Variants in MAGI2 observed in about 807,000 individuals in gnomAD.
MAGI2 encodes membrane-associated guanylate kinase, WW and PDZ domain-containing protein 2.
A neutral mutation model predicts 133.3 loss-of-function variants in MAGI2; 35 were observed. The ratio of observed to expected loss-of-function variants is 0.26; its 90% CI spans 0.20 to 0.35. The LOEUF (loss-of-function observed/expected upper bound fraction) is 0.35, where lower values mean the gene tolerates loss of function less well. Among genes scored for constraint, MAGI2 ranks in the 10% least tolerant of loss-of-function variants. The probability of loss-of-function intolerance (pLI) is 1.00; values close to 1 mark genes in which losing one functional copy is unlikely to be tolerated. For missense variants in MAGI2, 1,636 were observed against 1,863.4 expected (o/e 0.88, Z 2.25); for synonymous variants, 729 against 710.6 (o/e 1.03, Z -0.41).
Position 78,167,942 on chromosome 7 carries a change from G to A in MAGI2, c.2570C>T (p.Thr857Ile). The A allele has an allele frequency of 6.2e-7, 1 of 1,614,120 alleles. No individual in the cohort carries two copies. The highest frequency in any genetic ancestry group is 8.5e-7 in the Non-Finnish European group (1 of 1,180,006). ...TCCACATAGCACCTTTCTTCTCACA[G>A]TGAGGTTGACCTGCCCATTGCGGGC... Reference protein sequence around the residue: ...HAARNGQVNLTVRRKVLCGGE... With the variant: ...HAARNGQVNLIVRRKVLCGGE... The change falls in exon 15 of 22, where the codon ACT becomes ATT. Residue 857 changes from threonine to isoleucine, a missense_variant. By Grantham distance (89) the Thr-to-Ile change is moderately conservative (BLOSUM62 -1). Coordinates refer to ENST00000354212, the MANE Select transcript of MAGI2 (RefSeq NM_012301.4).
At chr7:79,114,729 C>A (rs940324853) in intron 1 of MAGI2, among the ~76,000 whole-genome samples, 2 of 152,110 alleles carry the variant, frequency 1.3e-5, no homozygotes, top group Non-Finnish European at 2.9e-5. Flanking sequence ...TTTTTATCAT[C>A]CATTGCAAGT....
intron 2 of MAGI2, among the ~76,000 whole-genome samples, chr7:78,871,177 G>C (rs1277457491): frequency 1.3e-5 from 2 of 152,108 alleles, no homozygotes; most frequent in Non-Finnish European, 2.9e-5. Context: ...CGGGCGTGGT[G>C]GTGGGCGCCT....
intron 10 of MAGI2, among the ~76,000 whole-genome samples, chr7:78,234,482 TTTCA>T (rs1790297234): frequency 6.6e-6 from 1 of 152,160 alleles, no homozygotes; most frequent in Non-Finnish European, 1.5e-5. Context: ...TCTGCATAAC[TTTCA>T]TTAATGTGGT....
At chr7:78,830,811 G>A (rs1791076909) in intron 2 of MAGI2, among the ~76,000 whole-genome samples, 1 of 152,152 alleles carries the variant, frequency 6.6e-6, no homozygotes, top group Non-Finnish European at 1.5e-5. Context: ...AAGCAAAAAG[G>A]GGCCAATTGG....
At chr7:79,175,100 A>G (rs1291008312) in intron 1 of MAGI2, among the ~76,000 whole-genome samples, 5 of 151,968 alleles carry the variant, frequency 3.3e-5, no homozygotes, top group Admixed American at 2.6e-4. Flanking sequence ...CATCAAGCAG[A>G]ACAAGCTGCA....
At chr7:78,646,515 G>C (rs768391246) in intron 2 of MAGI2, among the ~76,000 whole-genome samples, 1 of 152,072 alleles carries the variant, frequency 6.6e-6, no homozygotes, top group Non-Finnish European at 1.5e-5. Context: ...CTTTCATATT[G>C]TTTTCAAATG....
intron 1 of MAGI2, among the ~76,000 whole-genome samples, chr7:79,186,220 A>T (rs867760624): frequency 7.9e-4 from 10 of 12,588 alleles, no homozygotes; most frequent in Non-Finnish European, 2.4e-3. Context: ...ATATATATAT[A>T]TATATATATA....
At chr7:79,407,447 T>A (rs1339050927) in intron 1 of MAGI2, among the ~76,000 whole-genome samples, 1 of 152,146 alleles carries the variant, frequency 6.6e-6, no homozygotes, top group South Asian at 2.1e-4. Flanking sequence ...CTAAAGAGTT[T>A]CTGATGTAAA....
At chr7:78,243,263 ACACACACTCTCTCTCT>A (rs1323848222) in intron 10 of MAGI2, among the ~76,000 whole-genome samples, 1,374 of 62,346 alleles carry the variant, frequency 0.022, 21 homozygotes, top group African/African-American at 0.051. Context: ...ACACACACAC[ACACACACTCTCTCTCT>A]CTCTCTCTTA....
chr7:79,067,246 A>G (rs1162578951), intron 1 of MAGI2, among the ~76,000 whole-genome samples: 1 of 152,086 alleles, frequency 6.6e-6, no homozygotes, highest in Non-Finnish European at 1.5e-5. Flanking sequence ...ATGAGCATGG[A>G]ATGTTTTTCC....
chr7:78,691,064 T>C (rs1816907983), intron 2 of MAGI2, among the ~76,000 whole-genome samples: 1 of 152,224 alleles, frequency 6.6e-6, no homozygotes. Context: ...CCATTTCTTT[T>C]AAATGATTCT....
At chr7:78,159,906 C>T in intron 16 of MAGI2, 119 bp downstream of exon 16, 1 of 1,299,374 alleles carries the variant, frequency 7.7e-7, no homozygotes. Flanking sequence ...CAGCCTGTGG[C>T]TTTCAGGCTA....
intron 15 of MAGI2, 69 bp downstream of exon 15, chr7:78,167,847 C>T: frequency 2.0e-6 from 3 of 1,472,582 alleles, no homozygotes; most frequent in Non-Finnish European, 2.8e-6. Flanking sequence ...TTCATGTGGC[C>T]TTACCATGTC....
intron 3 of MAGI2, among the ~76,000 whole-genome samples, chr7:78,567,333 G>A (rs530231752): frequency 6.5e-4 from 98 of 151,790 alleles, no homozygotes; most frequent in African/African-American, 2.3e-3. Flanking sequence ...CACAAAAAAA[G>A]ATGCAGCCAT....
intron 5 of MAGI2, among the ~76,000 whole-genome samples, chr7:78,492,244 AT>A (rs967858789): frequency 1.3e-5 from 2 of 151,952 alleles, no homozygotes; most frequent in East Asian, 1.9e-4. Flanking sequence ...TTACAGGCTG[AT>A]TTTTTTTAGG....
chr7:78,928,672 G>T (rs117183354), intron 2 of MAGI2, among the ~76,000 whole-genome samples: 213 of 151,996 alleles, frequency 1.4e-3, no homozygotes, highest in Non-Finnish European at 2.4e-3. Flanking sequence ...ACCTAAAATG[G>T]GTATGATGCT....
intron 3 of MAGI2, among the ~76,000 whole-genome samples, chr7:78,575,886 T>C (rs1345347548): frequency 2.0e-5 from 3 of 152,068 alleles, no homozygotes; most frequent in Admixed American, 2.0e-4. Flanking sequence ...AAAAGAATAT[T>C]AGGTAAAAAC....
At chr7:78,411,291 G>A (rs759080450) in intron 6 of MAGI2, among the ~76,000 whole-genome samples, 1 of 151,932 alleles carries the variant, frequency 6.6e-6, no homozygotes, top group Non-Finnish European at 1.5e-5. Context: ...ATCTCGTACT[G>A]TATAAATTGA....
At chr7:79,160,579 G>A (rs1046398853) in intron 1 of MAGI2, among the ~76,000 whole-genome samples, 1 of 152,000 alleles carries the variant, frequency 6.6e-6, no homozygotes, top group African/African-American at 2.4e-5. Context: ...AAGAGTTTAT[G>A]CAAGACCCAC....
Sources: allele counts gnomAD v4.1 joint callset (sites outside exome capture counted in the v4.1 genomes callset), GRCh38; gene constraint gnomAD v4.1.1; transcripts MANE v1.5; gene names NCBI Gene and HGNC (gene_info 2026-07-23, HGNC 2026-07-21).